MAST2: variants seen among roughly 807,000 people sequenced by gnomAD.
MAST2 encodes microtubule associated serine/threonine kinase 2, also known as microtubule-associated serine/threonine-protein kinase 2.
MAST2 carries 70 observed loss-of-function variants against 147.4 expected under a neutral mutation model. The ratio of observed to expected loss-of-function variants is 0.47; its 90% CI spans 0.39 to 0.58. The LOEUF (loss-of-function observed/expected upper bound fraction) is 0.58. Ranked by LOEUF, MAST2 falls within the 20% of genes least tolerant of loss-of-function variation. The pLI is 0.00. For missense variants in MAST2, 2,080 were observed against 2,302.3 expected (o/e 0.90, Z 1.98); for synonymous variants, 869 against 896.8 (o/e 0.97, Z 0.55).
At chr1:45,836,522 C>G (rs538745418) in intron 3 of MAST2, among the ~76,000 whole-genome samples, 5 of 152,008 alleles carry the variant, frequency 3.3e-5, no homozygotes, top group African/African-American at 1.2e-4. Flanking sequence ...TTAATTTTCA[C>G]GAGTTCAAAG....
chr1:45,831,451 C>A (rs1043716008), intron 3 of MAST2, among the ~76,000 whole-genome samples: 1 of 151,996 alleles, frequency 6.6e-6, no homozygotes. Flanking sequence ...CTGATAATAC[C>A]GAAGTTTGTG....
intron 9 of MAST2, among the ~76,000 whole-genome samples, chr1:46,008,681 GAA>G: frequency 6.6e-6 from 1 of 152,220 alleles, no homozygotes; most frequent in Admixed American, 6.5e-5. Context: ...AAAGAGGAAA[GAA>G]AGAACTGGAG....
At chr1:45,886,869 T>C (rs768872548) in intron 4 of MAST2, among the ~76,000 whole-genome samples, 4 of 152,050 alleles carry the variant, frequency 2.6e-5, no homozygotes, top group Admixed American at 6.5e-5. Context: ...TTCTTTAGCC[T>C]AGGCTGGAGT....
chr1:45,840,035 A>T (rs1020660538), intron 3 of MAST2, among the ~76,000 whole-genome samples: 1 of 152,212 alleles, frequency 6.6e-6, no homozygotes, highest in Non-Finnish European at 1.5e-5. Context: ...AAACGAGAAA[A>T]TTTTTGTGAT....
intron 5 of MAST2, among the ~76,000 whole-genome samples, chr1:45,968,998 G>A (rs896505959): frequency 6.6e-6 from 1 of 151,474 alleles, no homozygotes; most frequent in African/African-American, 2.4e-5. Flanking sequence ...CCCATCAAAG[G>A]CATTCTTCAG....
chr1:45,968,041 A>G (rs1005969183), intron 5 of MAST2, among the ~76,000 whole-genome samples: 1 of 152,220 alleles, frequency 6.6e-6, no homozygotes, highest in African/African-American at 2.4e-5. Flanking sequence ...AAGCACCAAC[A>G]TGAACCTCAC....
At chr1:45,812,529 G>T (rs184424657) in intron 1 of MAST2, among the ~76,000 whole-genome samples, 2 of 150,864 alleles carry the variant, frequency 1.3e-5, no homozygotes, top group Admixed American at 1.3e-4. Flanking sequence ...CCAGGTTCAA[G>T]TGATTCTCCT....
chr1:46,029,206 G>A (rs1213366140), intron 18 of MAST2: 2 of 547,760 alleles, frequency 3.7e-6, no homozygotes, highest in Admixed American at 3.1e-5. Context: ...TCCCATAAGT[G>A]TGAGGGGTAC....
chr1:46,011,634 G>C (rs1311469867), intron 10 of MAST2, among the ~76,000 whole-genome samples: 1 of 152,198 alleles, frequency 6.6e-6, no homozygotes, highest in African/African-American at 2.4e-5. Flanking sequence ...GTTTGGGAGA[G>C]AGAGGATATG....
At chr1:45,856,485 A>C (rs1169248415) in intron 3 of MAST2, among the ~76,000 whole-genome samples, 1 of 152,236 alleles carries the variant, frequency 6.6e-6, no homozygotes, top group African/African-American at 2.4e-5. Flanking sequence ...TGATTTTGAC[A>C]TCAAACATTT....
chr1:45,838,001 A>T (rs1052529841), intron 3 of MAST2, among the ~76,000 whole-genome samples: 2 of 151,590 alleles, frequency 1.3e-5, no homozygotes, highest in Non-Finnish European at 2.9e-5. Flanking sequence ...CTTGTCTCGA[A>T]CTCCTGACCT....
At chr1:45,945,657 A>G (rs1322325659) in intron 4 of MAST2, among the ~76,000 whole-genome samples, 1 of 152,220 alleles carries the variant, frequency 6.6e-6, no homozygotes, top group Admixed American at 6.5e-5. Flanking sequence ...ATTAAGTAAC[A>G]GATTAAAGTA....
intron 5 of MAST2, among the ~76,000 whole-genome samples, chr1:45,962,676 T>G (rs1460709825): frequency 6.6e-6 from 1 of 152,192 alleles, no homozygotes; most frequent in Non-Finnish European, 1.5e-5. Flanking sequence ...TATTAACCCT[T>G]TGTCAGATGA....
chr1:46,024,687 A>G (rs1646329274), intron 15 of MAST2, among the ~76,000 whole-genome samples: 1 of 152,246 alleles, frequency 6.6e-6, no homozygotes. Flanking sequence ...AGTATGCAGT[A>G]TTCCTGTCCT....
At chr1:46,001,540 A>T (rs1329094802) in intron 6 of MAST2, among the ~76,000 whole-genome samples, 1 of 152,212 alleles carries the variant, frequency 6.6e-6, no homozygotes, top group Non-Finnish European at 1.5e-5. Context: ...CCCAGCAAAG[A>T]GGTCAAAGAG....
rs186067162 is a variant in MAST2, at chr1:46,009,843, A to C, written c.979-887A>C. The stretch of plus-strand genomic sequence containing the variant: ...TATGTAGGTATACATTTGCCTAAAC[A>C]CACACTGGAAATCAGAAATCACCAC... On this transcript the variant is annotated intron_variant, in intron 9 of 28. Transcript: ENST00000361297. 3.9e-4 allele frequency among the ~76,000 whole-genome samples: 60 copies of C among 152,336 alleles called. 1 individual carries two copies. Among genetic ancestry groups the C allele is most frequent in the African/African-American group, 1.4e-3 (58 of 41,576 alleles).
chr1:46,009,706 T>G (rs926101273), intron 9 of MAST2, among the ~76,000 whole-genome samples: 2 of 152,198 alleles, frequency 1.3e-5, no homozygotes, highest in African/African-American at 4.8e-5. Context: ...TAGGATGAAC[T>G]ATTGTTGGAG....
intron 4 of MAST2, among the ~76,000 whole-genome samples, chr1:45,908,166 T>C (rs1317187159): frequency 6.6e-6 from 1 of 152,148 alleles, no homozygotes; most frequent in Non-Finnish European, 1.5e-5. Flanking sequence ...TTCTTTATTA[T>C]ATTTTGAATT....
At chr1:45,913,303 A>G (rs1294218643) in intron 4 of MAST2, among the ~76,000 whole-genome samples, 1 of 152,146 alleles carries the variant, frequency 6.6e-6, no homozygotes, top group African/African-American at 2.4e-5. Flanking sequence ...TTCGCTCATT[A>G]TTTTACCAGT....
Sources: gnomAD v4.1 joint callset for allele counts (sites outside exome capture counted in the v4.1 genomes callset) on GRCh38, gnomAD v4.1.1 for gene constraint, MANE v1.5 for transcripts, NCBI Gene and HGNC (gene_info 2026-07-23, HGNC 2026-07-21) for gene names.